Variants in RABGAP1L observed in about 807,000 individuals in gnomAD.
RABGAP1L encodes RAB GTPase activating protein 1 like, also known as rab GTPase-activating protein 1-like.
RABGAP1L carries 63 observed loss-of-function variants against 137.7 expected under a neutral mutation model. The ratio of observed to expected loss-of-function variants is 0.46; its 90% confidence interval spans 0.37 to 0.56. RABGAP1L has a LOEUF of 0.56. Among genes scored for constraint, RABGAP1L ranks in the 20% least tolerant of loss-of-function variants. The pLI is 0.00. For missense variants in RABGAP1L, 1,095 were observed against 1,244.0 expected, an observed-to-expected ratio of 0.88 and a Z score of 1.80; for synonymous variants, 431 against 433.7, an observed-to-expected ratio of 0.99 and a Z score of 0.08.
At chr1:174,709,762 G>T (rs867172931) in intron 17 of RABGAP1L, among the ~76,000 whole-genome samples, 5 of 152,128 alleles carry the variant, frequency 3.3e-5, no homozygotes, top group African/African-American at 1.2e-4. Flanking sequence ...AAACCAGAAT[G>T]CCTCTTCTCC....
intron 13 of RABGAP1L, among the ~76,000 whole-genome samples, chr1:174,486,223 C>CTTTTTT (rs201692363): frequency 1.1e-4 from 13 of 119,864 alleles, no homozygotes; most frequent in East Asian, 1.0e-3. Context: ...GTTCTTTTTT[C>CTTTTTT]TTTTTTTTTT....
chr1:174,176,728 A>T (rs1380318062), intron 1 of RABGAP1L, among the ~76,000 whole-genome samples: 1 of 141,120 alleles, frequency 7.1e-6, no homozygotes, highest in African/African-American at 2.7e-5. Flanking sequence ...AAAAAAAAAA[A>T]AAAAAAAAAA....
chr1:174,646,391 A>T lies in RABGAP1L; in HGVS notation c.1824+8903A>T, dbSNP rs1402209168. Among the ~76,000 whole-genome samples the T allele has an allele frequency of 2.6e-5, 4 of 152,048 alleles. No homozygotes were observed. In the South Asian group the frequency reaches 6.2e-4, roughly 24 times the overall value. On this transcript the variant is annotated intron_variant, in intron 14 of 25. Transcript: ENST00000681986. Reference sequence around the variant, plus strand: ...TCCATCTTGAGTTAATTTTTGTATAAGATTTAAGTAAGGGGTCTAGTTTCA... The same window carrying T: ...TCCATCTTGAGTTAATTTTTGTATATGATTTAAGTAAGGGGTCTAGTTTCA...
At chr1:174,807,360 A>T (rs532578592) in intron 18 of RABGAP1L, among the ~76,000 whole-genome samples, 1 of 151,522 alleles carries the variant, frequency 6.6e-6, no homozygotes, top group African/African-American at 2.4e-5. Flanking sequence ...GTATTCTTTT[A>T]AAAAAAAAGC....
At chr1:174,760,624 A>T (rs1222862430) in intron 18 of RABGAP1L, among the ~76,000 whole-genome samples, 1 of 152,224 alleles carries the variant, frequency 6.6e-6, no homozygotes, top group Non-Finnish European at 1.5e-5. Context: ...TAGTGCTGCG[A>T]TGAACATGCA....
intron 13 of RABGAP1L, among the ~76,000 whole-genome samples, chr1:174,630,104 G>T (rs1197473984): frequency 3.3e-5 from 5 of 151,250 alleles, no homozygotes. Flanking sequence ...TTAGCATGAA[G>T]GGTTGTTGAA....
At chr1:174,550,999 C>CACATATATATATATATAT (rs1349225848) in intron 13 of RABGAP1L, among the ~76,000 whole-genome samples, 2 of 86,372 alleles carry the variant, frequency 2.3e-5, no homozygotes, top group African/African-American at 1.7e-4. Flanking sequence ...TATATATACA[C>CACATATATATATATATAT]ATATATATAT....
At chr1:174,407,354 C>T (rs566178376) in intron 13 of RABGAP1L, among the ~76,000 whole-genome samples, 29 of 151,516 alleles carry the variant, frequency 1.9e-4, no homozygotes, top group Non-Finnish European at 4.0e-4. Context: ...TACCTGCCTC[C>T]CTTTCTTAAT....
chr1:174,811,725 A>G (rs1010588105), intron 18 of RABGAP1L, 107 bp from the exon 19 acceptor site: 1 of 1,152,472 alleles, frequency 8.7e-7, no homozygotes. Context: ...ACTAACTTAG[A>G]TCTTAGCTAT....
intron 19 of RABGAP1L, among the ~76,000 whole-genome samples, chr1:174,892,896 ATTTTTTTTTTTT>A (rs748971722): frequency 6.4e-4 from 59 of 91,864 alleles, no homozygotes; most frequent in Middle Eastern, 8.2e-3. Context: ...CACCCAGCTA[ATTTTTTTTTTTT>A]TTTTTTTTTT....
At chr1:174,352,442 T>G (rs1683280810) in intron 11 of RABGAP1L, among the ~76,000 whole-genome samples, 1 of 152,170 alleles carries the variant, frequency 6.6e-6, no homozygotes, top group Admixed American at 6.5e-5. Context: ...AGTCTCTTTG[T>G]TAAATTTATA....
intron 5 of RABGAP1L, among the ~76,000 whole-genome samples, chr1:174,247,873 G>T (rs974024348): frequency 2.0e-5 from 3 of 152,000 alleles, no homozygotes; most frequent in Non-Finnish European, 4.4e-5. Context: ...CTCTCCCTCT[G>T]TCTCTGTATG....
intron 13 of RABGAP1L, among the ~76,000 whole-genome samples, chr1:174,495,557 TCTC>T (rs1231663454): frequency 3.3e-5 from 5 of 152,240 alleles, no homozygotes; most frequent in East Asian, 1.9e-4. Context: ...TGTACATAAA[TCTC>T]CTCCTTCTTT....
At chr1:174,267,725 C>CT (rs575739146) in intron 7 of RABGAP1L, among the ~76,000 whole-genome samples, 151 of 152,206 alleles carry the variant, frequency 9.9e-4, no homozygotes, top group Middle Eastern at 6.8e-3. Context: ...AATTAAAATA[C>CT]TTTAATTTTT....
At chr1:174,187,784 A>ATTTTTTTTTTTTTTTTTTTTTTTTTTTTT (rs1666917979) in intron 1 of RABGAP1L, among the ~76,000 whole-genome samples, 1 of 152,140 alleles carries the variant, frequency 6.6e-6, no homozygotes, top group South Asian at 2.1e-4. Flanking sequence ...CATAGGCACT[A>ATTTTTTTTTTTTTTTTTTTTTTTTTTTTT]TTATTAATAA....
At chr1:174,569,782 G>A (rs1280730710) in intron 13 of RABGAP1L, among the ~76,000 whole-genome samples, 2 of 152,170 alleles carry the variant, frequency 1.3e-5, no homozygotes, top group Non-Finnish European at 2.9e-5. Flanking sequence ...AAAAATTAAC[G>A]AAGTAGAGAA....
chr1:174,596,241 C>T (rs567014199), intron 13 of RABGAP1L, among the ~76,000 whole-genome samples: 40 of 148,244 alleles, frequency 2.7e-4, no homozygotes, highest in Non-Finnish European at 3.4e-4. Context: ...CACTGGCCTG[C>T]GCCCACTGTC....
chr1:174,365,833 CAG>C (rs1255692599), intron 11 of RABGAP1L, among the ~76,000 whole-genome samples: 1 of 152,170 alleles, frequency 6.6e-6, no homozygotes, highest in Non-Finnish European at 1.5e-5. Context: ...GTTCTTATGA[CAG>C]TGTTTTTCTT....
intron 10 of RABGAP1L, among the ~76,000 whole-genome samples, chr1:174,284,465 T>C (rs1675875214): frequency 6.6e-6 from 1 of 152,206 alleles, no homozygotes; most frequent in Admixed American, 6.5e-5. Flanking sequence ...TGTGCAAGTA[T>C]GTGTGTATAT....
Sources: gnomAD v4.1 joint callset for allele counts (sites outside exome capture counted in the v4.1 genomes callset) on GRCh38, gnomAD v4.1.1 for gene constraint, MANE v1.5 for transcripts, NCBI Gene and HGNC (gene_info 2026-07-23, HGNC 2026-07-21) for gene names.